Variants in RBMS1 observed in about 807,000 individuals in gnomAD.
RBMS1 encodes RNA-binding motif, single-stranded-interacting protein 1.
Under a neutral mutation model 62.3 loss-of-function variants are expected in RBMS1, and 17 were observed. The observed-to-expected ratio is 0.27, with a 90% CI of 0.19 to 0.41. The LOEUF (loss-of-function observed/expected upper bound fraction) is 0.41. Ranked by LOEUF, RBMS1 falls within the 10% of genes least tolerant of loss-of-function variation. The pLI is 1.00. For missense variants in RBMS1, 334 were observed against 504.5 expected, an observed-to-expected ratio of 0.66 and a Z score of 3.24; for synonymous variants, 172 against 170.0, an observed-to-expected ratio of 1.01 and a Z score of -0.09.
intron 11 of RBMS1, chr2:160,278,303 T>C (rs1687937026): frequency 3.8e-6 from 2 of 530,634 alleles, no homozygotes; most frequent in Non-Finnish European, 6.8e-6. Flanking sequence ...CATAAAAGGC[T>C]AGATGTGGTC....
rs572888971 is a variant in RBMS1 at position 160,417,855 on chromosome 2, T to G, written c.76-50464A>C. Reference sequence around the variant, plus strand: ...TAAGAACACAGAGCTACTAAGTTTTTACAAGTAAATGACTCATATGCTCAG... The same window carrying G: ...TAAGAACACAGAGCTACTAAGTTTTGACAAGTAAATGACTCATATGCTCAG... On this transcript the variant is annotated intron_variant, in intron 1 of 13. Coordinates refer to ENST00000348849, the MANE Select transcript of RBMS1 (RefSeq NM_016836.4). Among the ~76,000 whole-genome samples the G allele has an allele frequency of 2.0e-5, 3 of 152,344 alleles. No homozygotes were observed. In the East Asian group the frequency reaches 5.8e-4, roughly 29 times the overall value.
intron 11 of RBMS1, 52 bp downstream of exon 11, chr2:160,278,496 T>G (rs1687946855): frequency 2.8e-6 from 4 of 1,438,868 alleles, no homozygotes; most frequent in African/African-American, 2.8e-5. Context: ...CAGGCTGCAT[T>G]AATTTACCCT....
intron 6 of RBMS1, among the ~76,000 whole-genome samples, chr2:160,293,244 A>G (rs1688769792): frequency 6.6e-6 from 1 of 152,234 alleles, no homozygotes; most frequent in Non-Finnish European, 1.5e-5. Context: ...TACTAGATTC[A>G]TAATTTTCCC....
chr2:160,372,046 T>C (rs1009459236), intron 1 of RBMS1, among the ~76,000 whole-genome samples: 1 of 152,234 alleles, frequency 6.6e-6, no homozygotes, highest in Non-Finnish European at 1.5e-5. Flanking sequence ...TACATTGTTA[T>C]AGATTTCTAT....
intron 1 of RBMS1, among the ~76,000 whole-genome samples, chr2:160,457,545 AAC>A (rs1267969498): frequency 6.6e-6 from 1 of 152,250 alleles, no homozygotes; most frequent in Non-Finnish European, 1.5e-5. Flanking sequence ...GGAGAAAGGA[AAC>A]ACAACCATTT....
chr2:160,415,069 G>A (rs911460535), intron 1 of RBMS1, among the ~76,000 whole-genome samples: 3 of 151,812 alleles, frequency 2.0e-5, no homozygotes, highest in Admixed American at 1.3e-4. Context: ...GTGAATTGCT[G>A]TTTTCCTAAA....
intron 7 of RBMS1, among the ~76,000 whole-genome samples, chr2:160,285,332 T>C (rs893175563): frequency 6.6e-6 from 1 of 152,156 alleles, no homozygotes; most frequent in Admixed American, 6.5e-5. Flanking sequence ...GGAGTTTCTG[T>C]TAGTCAAAAT....
At position 160,318,166 on chromosome 2, in the gene RBMS1, T is replaced by A; in HGVS notation, c.310+3A>T. The A allele has an allele frequency of 6.3e-7, 1 of 1,581,810 alleles. No homozygotes were observed. The highest frequency in any genetic ancestry group is 8.5e-7 in the Non-Finnish European group (1 of 1,169,854). ...TACCAAATAACCAGCCAAGAAAACA[T>A]ACCTTTGCATTTGTTCGTTGTCTTA... On this transcript the variant is annotated splice_donor_region_variant and intron_variant, in intron 3 of 13. Transcript: ENST00000348849.
intron 1 of RBMS1, among the ~76,000 whole-genome samples, chr2:160,476,043 A>C (rs533389860): frequency 6.6e-6 from 1 of 152,126 alleles, no homozygotes; most frequent in South Asian, 2.1e-4. Context: ...TTTTTTGTAG[A>C]GATGGGGTTT....
intron 1 of RBMS1, among the ~76,000 whole-genome samples, chr2:160,376,971 CTG>C (rs1425926625): frequency 6.6e-6 from 1 of 152,010 alleles, no homozygotes; most frequent in East Asian, 1.9e-4. Context: ...CCTGGTCAAT[CTG>C]TGTATTTCTG....
At chr2:160,413,334 A>G (rs1234288640) in intron 1 of RBMS1, among the ~76,000 whole-genome samples, 1 of 150,430 alleles carries the variant, frequency 6.6e-6, no homozygotes, top group African/African-American at 2.4e-5. Context: ...CTCCCAGCAA[A>G]ACAGGAGAAA....
intron 2 of RBMS1, among the ~76,000 whole-genome samples, chr2:160,329,390 CT>C (rs1691130258): frequency 6.6e-6 from 1 of 152,154 alleles, no homozygotes. Flanking sequence ...ATGGTTACAG[CT>C]GTAAGAGCGG....
Position 160,493,427 on chromosome 2 carries a change from C to T in RBMS1, c.-64G>A. 1 of 1,501,322 alleles carries T rather than the reference C, an allele frequency of 6.7e-7. No homozygotes were observed. Among genetic ancestry groups the T allele is most frequent in the Non-Finnish European group, 9.2e-7 (1 of 1,081,908 alleles). 93.0% of individuals were successfully genotyped at this position (1,501,322 alleles called of 1,614,324 possible). ...CTTTGGGGTTTCCAAGTCTCGGGCTCTCCTGCCTCTCCCTTTCCGGCGGCG... is the reference window on the plus strand; with the variant it reads ...CTTTGGGGTTTCCAAGTCTCGGGCTTTCCTGCCTCTCCCTTTCCGGCGGCG... On this transcript the variant is annotated 5_prime_UTR_variant, in exon 1 of 14. Transcript: ENST00000348849.
chr2:160,372,749 A>C (rs1693794117), intron 1 of RBMS1, among the ~76,000 whole-genome samples: 2 of 152,218 alleles, frequency 1.3e-5, no homozygotes, highest in African/African-American at 4.8e-5. Flanking sequence ...GGCTGGAAAG[A>C]GAAGTTCTGG....
At chr2:160,388,421 C>T (rs537993521) in intron 1 of RBMS1, among the ~76,000 whole-genome samples, 18 of 152,176 alleles carry the variant, frequency 1.2e-4, no homozygotes, top group African/African-American at 2.6e-4. Context: ...GCAGGTGGTA[C>T]GGTGAGGGGT....
At chr2:160,355,299 A>G (rs1230793937) in intron 2 of RBMS1, among the ~76,000 whole-genome samples, 2 of 152,086 alleles carry the variant, frequency 1.3e-5, no homozygotes, top group Non-Finnish European at 2.9e-5. Context: ...TGAAGATTCA[A>G]CAGCCTGGAA....
intron 3 of RBMS1, among the ~76,000 whole-genome samples, chr2:160,313,878 G>A (rs766045078): frequency 6.6e-6 from 1 of 152,078 alleles, no homozygotes. Flanking sequence ...AATATGTTTT[G>A]GCAGTTCATG....
intron 3 of RBMS1, among the ~76,000 whole-genome samples, chr2:160,317,294 C>T (rs971465767): frequency 2.0e-5 from 3 of 152,172 alleles, no homozygotes; most frequent in African/African-American, 4.8e-5. Context: ...GCCACTGCCC[C>T]GTCACCACTA....
rs149540869 is a variant in RBMS1 at position 160,301,139 on chromosome 2, G to C, written c.561-409C>G. 7.9e-3 allele frequency among the ~76,000 whole-genome samples: 1,206 copies of C among 152,254 alleles called. 13 individuals are homozygous for C. Among genetic ancestry groups the C allele is most frequent in the African/African-American group, 0.026 (1,094 of 41,542 alleles). ...TACTAGTCATTTTAAAATTGTCTTT[G>C]CTTTCACAAATTCACAAAATGACAG... On this transcript the variant is annotated intron_variant, in intron 5 of 13. Coordinates refer to ENST00000348849, the MANE Select transcript of RBMS1 (RefSeq NM_016836.4).
Sources: allele counts gnomAD v4.1 joint callset (sites outside exome capture counted in the v4.1 genomes callset), GRCh38; gene constraint gnomAD v4.1.1; transcripts MANE v1.5; gene names NCBI Gene and HGNC (gene_info 2026-07-23, HGNC 2026-07-21).